MINK1: variants seen among roughly 807,000 people sequenced by gnomAD.
MINK1 encodes misshapen like kinase 1.
Under a neutral mutation model 178.4 loss-of-function variants are expected in MINK1, and 46 were observed. The observed-to-expected ratio is 0.26, with a 90% CI of 0.20 to 0.33. The LOEUF (loss-of-function observed/expected upper bound fraction) is 0.33, where lower values mean the gene tolerates loss of function less well. Ranked by LOEUF, MINK1 falls within the 10% of genes least tolerant of loss-of-function variation. The pLI, the probability that MINK1 is intolerant of heterozygous loss-of-function variation, is 1.00. For synonymous variants in MINK1, 797 were observed against 709.7 expected, an observed-to-expected ratio of 1.12 and a Z score of -1.96; for missense variants, 1,366 against 1,814.9, an observed-to-expected ratio of 0.75 and a Z score of 4.49.
At chr17:4,845,425 G>A (rs145649363) in intron 1 of MINK1, among the ~76,000 whole-genome samples, 1 of 152,232 alleles carries the variant, frequency 6.6e-6, no homozygotes, top group Non-Finnish European at 1.5e-5. Flanking sequence ...ATGGGTAGGT[G>A]CTAGAGGAAG....
At chr17:4,838,386 G>A (rs1909620400) in intron 1 of MINK1, among the ~76,000 whole-genome samples, 1 of 152,166 alleles carries the variant, frequency 6.6e-6, no homozygotes, top group African/African-American at 2.4e-5. Flanking sequence ...TAAGATAACA[G>A]TAAGGTCAGC....
chr17:4,848,063 G>C (rs1320847340), intron 1 of MINK1, among the ~76,000 whole-genome samples: 1 of 151,788 alleles, frequency 6.6e-6, no homozygotes, highest in Non-Finnish European at 1.5e-5. Context: ...GAGGGAGGGA[G>C]GACGGGAGGG....
intron 20 of MINK1, 41 bp downstream of exon 20, chr17:4,893,108 T>G (rs753907695): frequency 6.5e-7 from 1 of 1,544,904 alleles, no homozygotes; most frequent in Admixed American, 1.9e-5. Flanking sequence ...CTCATCCTGG[T>G]TTGGGGCTTA....
chr17:4,889,815 C>A, intron 13 of MINK1, 52 bp downstream of exon 13: 1 of 1,325,030 alleles, frequency 7.5e-7, no homozygotes, highest in Non-Finnish European at 1.0e-6. Context: ...CTCCTGCTGC[C>A]TGCCGCCCCT....
At position 4,895,013 on chromosome 17, in the gene MINK1, G is replaced by A; in HGVS notation, c.2918-62G>A. 1.9e-6 allele frequency: 3 copies of A among 1,567,612 alleles called. No homozygotes were observed. The highest frequency in any genetic ancestry group is 2.6e-6 in the Non-Finnish European group (3 of 1,146,928). ...GCCAAGACCTGATATAGGGGATGGAGGTAAAAAGAGATGGGGTGAGAAGCT... is the reference window on the plus strand; with the variant it reads ...GCCAAGACCTGATATAGGGGATGGAAGTAAAAAGAGATGGGGTGAGAAGCT... On this transcript the variant is annotated intron_variant, in intron 24 of 31. Transcript: ENST00000355280. The surrounding 1 kb of genome is among the most constrained non-coding windows in gnomAD (Gnocchi z 4.3).
chr17:4,834,712 G>C, intron 1 of MINK1: 1 of 518,518 alleles, frequency 1.9e-6, no homozygotes, highest in Non-Finnish European at 3.9e-6. Flanking sequence ...GTGGTGTTTT[G>C]ATCCTGTGCC....
At chr17:4,846,711 A>G (rs1428976626) in intron 1 of MINK1, among the ~76,000 whole-genome samples, 2 of 152,052 alleles carry the variant, frequency 1.3e-5, no homozygotes, top group African/African-American at 4.8e-5. Context: ...TGCTCTGTTG[A>G]CCAGGCTGGA....
At chr17:4,888,322 C>T (rs1968413795) in intron 12 of MINK1, among the ~76,000 whole-genome samples, 1 of 152,098 alleles carries the variant, frequency 6.6e-6, no homozygotes, top group African/African-American at 2.4e-5. Flanking sequence ...AAACCTGCTA[C>T]AGAAGAGCCT....
chr17:4,897,007 A>C, intron 31 of MINK1, 194 bp downstream of exon 31: 9 of 945,904 alleles, frequency 9.5e-6, no homozygotes, highest in Non-Finnish European at 1.4e-5. Flanking sequence ...GCTGGCCCCC[A>C]GGGGGCGAGT....
At chr17:4,893,402 C>T (rs1379219619) in intron 20 of MINK1, 32 bp from the exon 21 acceptor site, 5 of 1,600,342 alleles carry the variant, frequency 3.1e-6, no homozygotes, top group Non-Finnish European at 4.3e-6. Flanking sequence ...GGCCCAGCTT[C>T]TCCCTGCCCC....
chr17:4,862,476 G>A (rs1003149099), intron 1 of MINK1, among the ~76,000 whole-genome samples: 7 of 152,076 alleles, frequency 4.6e-5, no homozygotes, highest in African/African-American at 1.4e-4. Flanking sequence ...CCAACATGGC[G>A]AAACCCCGTC....
In MINK1 at chr17:4,896,073, C is replaced by T. The variant is rs1350218050; in HGVS notation, c.3435C>T (p.Pro1145=). The T allele has an allele frequency of 1.9e-6, 3 of 1,607,804 alleles. No individual in the cohort carries two copies. Among genetic ancestry groups the T allele is most frequent in the Non-Finnish European group, 8.5e-7 (1 of 1,177,144 alleles). The change falls in exon 28 of 32, where the codon CCC becomes CCT. Residue 1145 remains proline, a synonymous_variant. Transcript: ENST00000355280. This position sits in a 1 kb window ranked among gnomAD's most constrained non-coding sequence, Gnocchi z 4.6. ...CCGTGGAGGTGTATGCCTGGGCCCC[C>T]AAACCCTACCACAAATTCATGGCCT... ...KSSVEVYAWA[P]KPYHKFMAFK...
intron 31 of MINK1, 68 bp from the exon 32 acceptor site, chr17:4,897,136 T>C (rs2151085750): frequency 8.0e-7 from 1 of 1,253,420 alleles, no homozygotes. Flanking sequence ...CTTCCCTTCT[T>C]TCCCTCTCCC....
intron 14 of MINK1, 67 bp from the exon 15 acceptor site, chr17:4,890,884 G>A: frequency 1.3e-6 from 2 of 1,546,252 alleles, no homozygotes; most frequent in Non-Finnish European, 1.8e-6. Flanking sequence ...GTTAGGGCAG[G>A]TGGGACCCTC....
intron 1 of MINK1, among the ~76,000 whole-genome samples, chr17:4,847,454 G>T (rs1054635405): frequency 6.6e-6 from 1 of 152,186 alleles, no homozygotes; most frequent in African/African-American, 2.4e-5. Flanking sequence ...AGCCTATGCA[G>T]TTGCAGGGAG....
rs140750553 is a variant in MINK1 at position 4,836,354 on chromosome 17, A to T, written c.57+2714A>T. ...ATTGAATTGCGTTAATCTCTTAGCC[A>T]TGTGTGGGGAGGCCAGATGGACCTG... On this transcript the variant is annotated intron_variant, in intron 1 of 31. Coordinates refer to ENST00000355280, the MANE Select transcript of MINK1 (RefSeq NM_153827.5). This position sits in a 1 kb window ranked among gnomAD's most constrained non-coding sequence, Gnocchi z 4.3. Among the ~76,000 whole-genome samples the T allele has an allele frequency of 6.6e-6, 1 of 152,326 alleles. No individual in the cohort carries two copies. The highest frequency in any genetic ancestry group is 2.4e-5 in the African/African-American group (1 of 41,562).
chr17:4,885,094 A>G lies in MINK1; in HGVS notation c.508+92A>G. On this transcript the variant is annotated intron_variant, in intron 6 of 31. Coordinates refer to ENST00000355280, the MANE Select transcript of MINK1 (RefSeq NM_153827.5). This position sits in a 1 kb window ranked among gnomAD's most constrained non-coding sequence, Gnocchi z 5.0. ...TTTTCTCTCTGGTGGCTCAGGCCCA[A>G]CTCCCTTCCTACTGGGGAGGCTCAC... 8.4e-7 allele frequency: 1 copy of G among 1,188,794 alleles called. No individual in the cohort carries two copies. The highest frequency in any genetic ancestry group is 1.3e-5 in the South Asian group (1 of 75,372). 73.6% of individuals were successfully genotyped at this position (1,188,794 alleles called of 1,614,324 possible).
rs1472085291 is a variant in MINK1, at chr17:4,886,657, T to C, written c.949+31T>C. ...TGGGCAGGCTGGAGGGGGCAGGTAC[T>C]AGGGGACACTCCAGCCTGGCTCCTC... On this transcript the variant is annotated intron_variant, in intron 10 of 31. Transcript: ENST00000355280. This position sits in a 1 kb window ranked among gnomAD's most constrained non-coding sequence, Gnocchi z 6.1. The C allele has an allele frequency of 6.5e-7, 1 of 1,538,810 alleles. No homozygotes were observed. The highest frequency in any genetic ancestry group is 8.7e-7 in the Non-Finnish European group (1 of 1,143,116).
chr17:4,864,586 A>G (rs1193695225), intron 1 of MINK1, among the ~76,000 whole-genome samples: 4 of 134,682 alleles, frequency 3.0e-5, no homozygotes, highest in Admixed American at 2.3e-4. Context: ...TTAGCCGGGC[A>G]TGGTGGTGGG....
Sources: gnomAD v4.1 joint callset for allele counts (sites outside exome capture counted in the v4.1 genomes callset) on GRCh38, gnomAD v4.1.1 for gene constraint, Gnocchi (gnomAD v3.1) non-coding constraint, MANE v1.5 for transcripts, NCBI Gene and HGNC (gene_info 2026-07-23, HGNC 2026-07-21) for gene names.